LSAMP: variants seen among roughly 807,000 people sequenced by gnomAD.
LSAMP encodes the protein limbic system-associated membrane protein.
LSAMP carries 7 observed loss-of-function variants against 38.6 expected under a neutral mutation model. That is an observed-to-expected ratio of 0.18 (90% CI 0.10 to 0.34). The LOEUF (loss-of-function observed/expected upper bound fraction) is 0.34, where lower values mean the gene tolerates loss of function less well. Ranked by LOEUF, LSAMP falls within the 10% of genes least tolerant of loss-of-function variation. The probability of loss-of-function intolerance (pLI) is 1.00; values close to 1 mark genes in which losing one functional copy is unlikely to be tolerated. For synonymous variants in LSAMP, 154 were observed against 166.8 expected, an observed-to-expected ratio of 0.92 and a Z score of 0.59; for missense variants, 313 against 420.0, an observed-to-expected ratio of 0.75 and a Z score of 2.23.
At chr3:116,275,230 A>AATTG (rs1424291109) in intron 1 of LSAMP, among the ~76,000 whole-genome samples, 1 of 151,848 alleles carries the variant, frequency 6.6e-6, no homozygotes, top group Non-Finnish European at 1.5e-5. Flanking sequence ...TTAAAAAAAA[A>AATTG]ATTGATAGAG....
chr3:116,270,275 C>T lies in LSAMP; in HGVS notation c.155+174602G>A, dbSNP rs574597299. ...AAACGGAAATGATAAAAGACTGCTGCTGTACAACAGGAAAAGTCAATTCCC... is the reference window on the plus strand; with the variant it reads ...AAACGGAAATGATAAAAGACTGCTGTTGTACAACAGGAAAAGTCAATTCCC... On this transcript the variant is annotated intron_variant, in intron 1 of 6. Transcript: ENST00000490035. Among the ~76,000 whole-genome samples, 242 of 152,180 alleles carry T rather than the reference C, an allele frequency of 1.6e-3. 3 individuals carry two copies. The highest frequency in any genetic ancestry group is 0.012 in the Admixed American group (180 of 15,268).
chr3:116,261,699 T>TAAGCC, intron 1 of LSAMP, among the ~76,000 whole-genome samples: 1 of 152,180 alleles, frequency 6.6e-6, no homozygotes, highest in Non-Finnish European at 1.5e-5. Flanking sequence ...CTTAGCCAAC[T>TAAGCC]AAAAGCAGAT....
chr3:116,233,462 T>C (rs1460558593), intron 1 of LSAMP, among the ~76,000 whole-genome samples: 5 of 146,614 alleles, frequency 3.4e-5, no homozygotes, highest in Non-Finnish European at 6.0e-5. Flanking sequence ...TTATATATAA[T>C]ATTTCTTTGT....
intron 1 of LSAMP, among the ~76,000 whole-genome samples, chr3:116,352,478 C>A (rs2048155742): frequency 6.6e-6 from 1 of 151,964 alleles, no homozygotes; most frequent in Non-Finnish European, 1.5e-5. Context: ...AAAGGCAAGC[C>A]AACCTCATTT....
intron 1 of LSAMP, among the ~76,000 whole-genome samples, chr3:116,208,471 A>G (rs62269251): frequency 1.2e-4 from 19 of 152,282 alleles, no homozygotes; most frequent in Middle Eastern, 3.4e-3. Context: ...GAGGAGGAGA[A>G]GCGCTCTGCT....
intron 1 of LSAMP, among the ~76,000 whole-genome samples, chr3:116,198,880 C>T (rs2045950891): frequency 6.6e-6 from 1 of 151,888 alleles, no homozygotes; most frequent in African/African-American, 2.4e-5. Flanking sequence ...GAGTTCAAAA[C>T]CAGCCTGGGC....
At chr3:115,816,597 A>G (rs1408824811) in intron 6 of LSAMP, 3 of 1,283,078 alleles carry the variant, frequency 2.3e-6, no homozygotes, top group Non-Finnish European at 3.0e-6. Context: ...GAAGGTAACC[A>G]AAAATAAGAA....
chr3:116,239,388 C>T (rs1198443343), intron 1 of LSAMP, among the ~76,000 whole-genome samples: 1 of 148,246 alleles, frequency 6.7e-6, no homozygotes, highest in Non-Finnish European at 1.5e-5. Flanking sequence ...CAAATACTAT[C>T]CAGAACATAT....
At chr3:116,149,337 T>C (rs1181306132) in intron 1 of LSAMP, among the ~76,000 whole-genome samples, 1 of 151,948 alleles carries the variant, frequency 6.6e-6, no homozygotes, top group Non-Finnish European at 1.5e-5. Context: ...AACAGGAAAT[T>C]ACAAATCCAA....
Position 116,164,601 on chromosome 3 carries a change from A to AATAT in LSAMP, c.156-78049_156-78046dup, listed in dbSNP as rs36047780. 3.5e-3 allele frequency among the ~76,000 whole-genome samples: 374 copies of AATAT among 107,292 alleles called. 8 individuals carry two copies. Among genetic ancestry groups the AATAT allele is most frequent in the African/African-American group, 0.013 (334 of 24,770 alleles). 70.4% of individuals were successfully genotyped at this position (107,292 alleles called of 152,430 possible). A position where few individuals can be genotyped will look rare whatever the true frequency, so the allele number is the denominator to read the frequency against. ...TATATATATATATATATATAATCCA[A>AATAT]ATATATATATATATATATATAATCC... On this transcript the variant is annotated intron_variant, in intron 1 of 6. Coordinates refer to ENST00000490035, the MANE Select transcript of LSAMP (RefSeq NM_002338.5).
intron 1 of LSAMP, among the ~76,000 whole-genome samples, chr3:116,229,779 C>A (rs1481800344): frequency 6.6e-6 from 1 of 152,034 alleles, no homozygotes; most frequent in Non-Finnish European, 1.5e-5. Context: ...TTTTCAAGGT[C>A]TTCAGGAGTC....
chr3:116,349,512 C>T (rs905103441), intron 1 of LSAMP, among the ~76,000 whole-genome samples: 1 of 149,452 alleles, frequency 6.7e-6, no homozygotes, highest in Non-Finnish European at 1.5e-5. Flanking sequence ...CTCTCTCTCT[C>T]TCTCTCACAC....
intron 3 of LSAMP, among the ~76,000 whole-genome samples, chr3:115,860,397 T>C (rs1359228703): frequency 1.3e-5 from 2 of 152,342 alleles, no homozygotes; most frequent in South Asian, 4.1e-4. Context: ...TGCTGAAGGA[T>C]GCTACAGTTG....
chr3:115,942,042 G>A (rs539930387), intron 3 of LSAMP, among the ~76,000 whole-genome samples: 1 of 151,658 alleles, frequency 6.6e-6, no homozygotes, highest in Non-Finnish European at 1.5e-5. Flanking sequence ...TCTATTAATT[G>A]TACAATTACT....
chr3:116,227,050 A>T (rs2046350939), intron 1 of LSAMP, among the ~76,000 whole-genome samples: 2 of 152,092 alleles, frequency 1.3e-5, no homozygotes, highest in Non-Finnish European at 2.9e-5. Flanking sequence ...TGGTTTTGCC[A>T]CTGTGCTTCA....
intron 1 of LSAMP, among the ~76,000 whole-genome samples, chr3:116,338,562 A>G (rs2047951674): frequency 6.6e-6 from 1 of 151,998 alleles, no homozygotes; most frequent in Middle Eastern, 3.2e-3. Flanking sequence ...TTTATTTTCA[A>G]TTCAGGTAGG....
chr3:115,899,626 T>C lies in LSAMP; in HGVS notation c.515-47009A>G, dbSNP rs566304372. Among the ~76,000 whole-genome samples the C allele has an allele frequency of 3.0e-3, 460 of 152,306 alleles. 1 individual carries two copies. The highest frequency in any genetic ancestry group is 0.01 in the African/African-American group (433 of 41,588). On this transcript the variant is annotated intron_variant, in intron 3 of 6. Coordinates refer to ENST00000490035, the MANE Select transcript of LSAMP (RefSeq NM_002338.5). ...ATCTCAATCCTGCACATCCACTAAA[T>C]CTTATATGTCAAATTGCCATAAAAT...
rs1269122519 is a variant in LSAMP, at chr3:115,803,902, A to G, written c.*6415T>C. 6.6e-6 allele frequency: 1 copy of G among 152,206 alleles called. No homozygotes were observed. Among genetic ancestry groups the G allele is most frequent in the African/African-American group, 2.4e-5 (1 of 41,442 alleles). The allele number at this position is 152,206 out of a possible 1,614,324, so 9.4% of individuals were successfully genotyped here. A position where few individuals can be genotyped will look rare whatever the true frequency, so the allele number is the denominator to read the frequency against. On this transcript the variant is annotated 3_prime_UTR_variant, in exon 7 of 7. Coordinates refer to ENST00000490035, the MANE Select transcript of LSAMP (RefSeq NM_002338.5). ...GAGGTACTTGGCCCAGGATGACAGAAAACTAATGTTTCCTTTCTTATGCAC... is the reference window on the plus strand; with the variant it reads ...GAGGTACTTGGCCCAGGATGACAGAGAACTAATGTTTCCTTTCTTATGCAC...
intron 1 of LSAMP, among the ~76,000 whole-genome samples, chr3:116,367,331 T>C (rs981540224): frequency 1.3e-5 from 2 of 152,160 alleles, no homozygotes; most frequent in African/African-American, 2.4e-5. Flanking sequence ...AGCCATCCAC[T>C]ACTAAGGCAG....
Sources: gnomAD v4.1 joint callset for allele counts (sites outside exome capture counted in the v4.1 genomes callset) on GRCh38, gnomAD v4.1.1 for gene constraint, MANE v1.5 for transcripts, NCBI Gene and HGNC (gene_info 2026-07-23, HGNC 2026-07-21) for gene names.